Variants in AACS observed in about 807,000 individuals in gnomAD.
AACS encodes the protein acetoacetyl-CoA synthetase, also known as acetoacetate-CoA ligase.
In AACS, 69 loss-of-function variants were observed where a neutral mutation model predicts 83.1. That is an observed-to-expected ratio of 0.83 (90% CI 0.68 to 1.01). The LOEUF (loss-of-function observed/expected upper bound fraction) is 1.01, where lower values mean the gene tolerates loss of function less well. AACS is among the 50% of genes least tolerant of loss of function. AACS has a pLI of 0.00. For synonymous variants in AACS, 333 were observed against 343.4 expected (o/e 0.97, Z 0.33); for missense variants, 866 against 882.2 (o/e 0.98, Z 0.23).
chr12:125,080,386 T>A (rs1013299007), intron 3 of AACS, among the ~76,000 whole-genome samples: 3 of 152,018 alleles, frequency 2.0e-5, no homozygotes, highest in Admixed American at 6.6e-5. Context: ...ACTAAAAATA[T>A]ACTTGATTCC....
At chr12:125,071,187 G>C (rs780800987) in intron 1 of AACS, among the ~76,000 whole-genome samples, 26 of 152,180 alleles carry the variant, frequency 1.7e-4, no homozygotes, top group Non-Finnish European at 5.9e-5. Flanking sequence ...ACCTAGGACT[G>C]CGTGAGCATC....
chr12:125,102,782 A>G lies in AACS; in HGVS notation c.674A>G (p.Gln225Arg). ...CACAACCACATGGAAAAGCTGCAGC[A>G]GGTGGTTAAAGGTGTGTGGCCCTTC... ...KEHNHMEKLQ[Q>R]VVKGLPDLKK... Residue 225 changes from glutamine to arginine, a missense_variant, in exon 6 of 18, where the codon CAG (glutamine) becomes CGG (arginine). Gln to Arg is a conservative substitution (Grantham distance 43). Transcript: ENST00000316519. 1 of 1,614,112 alleles carries G rather than the reference A, an allele frequency of 6.2e-7. No homozygotes were observed. The highest frequency in any genetic ancestry group is 1.7e-4 in the Middle Eastern group (1 of 6,060).
intron 8 of AACS, among the ~76,000 whole-genome samples, chr12:125,112,076 G>A (rs372661883): frequency 1.3e-5 from 2 of 152,192 alleles, no homozygotes; most frequent in Non-Finnish European, 2.9e-5. Context: ...TTTGCCACAG[G>A]CTCCTAGAAT....
At chr12:125,072,919 GTTTTTTTTT>G (rs200182531) in intron 1 of AACS, among the ~76,000 whole-genome samples, 3 of 90,414 alleles carry the variant, frequency 3.3e-5, no homozygotes, top group African/African-American at 9.3e-5. Context: ...TGTAACTTTT[GTTTTTTTTT>G]TTTTTTTTTT....
intron 13 of AACS, chr12:125,128,815 C>G (rs1429258439): frequency 6.5e-6 from 1 of 154,242 alleles, no homozygotes; most frequent in South Asian, 2.0e-4. Context: ...GTTTGTAGCG[C>G]CCCATGATTT....
rs1957306180 is a variant in AACS, at chr12:125,129,963, C to A, written c.1549+503C>A. ...CACGTCACTCTCACATAGACTGACA[C>A]CCTTGGGTGTCGTCTTTTGAGTGGT... On this transcript the variant is annotated intron_variant, in intron 14 of 17. Coordinates refer to ENST00000316519, the MANE Select transcript of AACS (RefSeq NM_023928.5). This position sits in a 1 kb window ranked among gnomAD's most constrained non-coding sequence, Gnocchi z 4.3. 6.6e-6 allele frequency among the ~76,000 whole-genome samples: 1 copy of A among 151,944 alleles called. No individual in the cohort carries two copies. The highest frequency in any genetic ancestry group is 1.5e-5 in the Non-Finnish European group (1 of 67,958).
At chr12:125,102,643 G>A in intron 5 of AACS, 36 bp from the exon 6 acceptor site, 6 of 1,598,154 alleles carry the variant, frequency 3.8e-6, no homozygotes, top group Non-Finnish European at 5.1e-6. Flanking sequence ...TTTGCCTTTT[G>A]GATGATCAAT....
At chr12:125,093,384 C>G (rs1035095842) in intron 5 of AACS, among the ~76,000 whole-genome samples, 2 of 152,218 alleles carry the variant, frequency 1.3e-5, no homozygotes, top group African/African-American at 4.8e-5. Context: ...GGGCTGGACC[C>G]CAGCCTGTCT....
chr12:125,073,814 A>G, intron 1 of AACS, 62 bp from the exon 2 acceptor site: 2 of 1,383,298 alleles, frequency 1.4e-6, no homozygotes, highest in South Asian at 1.2e-5. Context: ...AGGTGTGTCC[A>G]TCTTATTAAT....
chr12:125,100,191 G>T (rs930754108), intron 5 of AACS, among the ~76,000 whole-genome samples: 1 of 151,932 alleles, frequency 6.6e-6, no homozygotes, highest in African/African-American at 2.4e-5. Context: ...TAATTCTTTT[G>T]TAGCTGTCCA....
intron 7 of AACS, chr12:125,105,310 C>G (rs569095532): frequency 1.3e-5 from 2 of 152,222 alleles, no homozygotes; most frequent in Admixed American, 6.5e-5. Flanking sequence ...ATTGTGCGGC[C>G]GCGGTGGGCT....
At position 125,115,550 on chromosome 12, in the gene AACS, G is replaced by A. The variant is rs554412218; in HGVS notation, c.996+993G>A. 2.8e-4 allele frequency among the ~76,000 whole-genome samples: 42 copies of A among 152,294 alleles called. No homozygotes were observed. The Middle Eastern group carries it at 0.014, about 49-fold the overall frequency. On this transcript the variant is annotated intron_variant, in intron 9 of 17. Coordinates refer to ENST00000316519, the MANE Select transcript of AACS (RefSeq NM_023928.5). ...GCTGGGATTACAGGCGTGAGCCACC[G>A]CCCCTGGCCTGCTGAGTCTTTATGC... is the stretch of plus-strand genomic sequence containing the variant.
At chr12:125,086,576 T>C (rs1592956029) in intron 4 of AACS, 133 bp downstream of exon 4, 2 of 759,268 alleles carry the variant, frequency 2.6e-6, no homozygotes, top group East Asian at 2.6e-5. Flanking sequence ...ACTTGGACTC[T>C]ACATGCAAGG....
At chr12:125,085,307 C>G (rs549815066) in intron 3 of AACS, among the ~76,000 whole-genome samples, 81 of 152,256 alleles carry the variant, frequency 5.3e-4, no homozygotes, top group African/African-American at 1.8e-3. Context: ...GCATCCACGT[C>G]TGTTTCCTGG....
chr12:125,114,765 G>A (rs1319984954), intron 9 of AACS, among the ~76,000 whole-genome samples: 20 of 146,390 alleles, frequency 1.4e-4, no homozygotes, highest in Admixed American at 3.4e-4. Flanking sequence ...CCCAGGCGCC[G>A]GCCCGTGGCA....
Position 125,091,500 on chromosome 12 carries a change from A to G in AACS, c.547A>G (p.Thr183Ala), listed in dbSNP as rs1381742812. Residue 183 changes from threonine to alanine, a missense_variant, in exon 5 of 18, where the codon ACG becomes GCG. Coordinates refer to ENST00000316519, the MANE Select transcript of AACS (RefSeq NM_023928.5). ...AAGCATTGGTGCCATCTGGAGCTCCACGTCCCCGGACTTCGGTGTGAATGT... is the reference window on the plus strand; with the variant it reads ...AAGCATTGGTGCCATCTGGAGCTCCGCGTCCCCGGACTTCGGTGTGAATGT... Reference protein sequence around the residue: ...AASIGAIWSSTSPDFGVNGVL... With the variant: ...AASIGAIWSSASPDFGVNGVL... 6.2e-7 allele frequency: 1 copy of G among 1,614,216 alleles called. No homozygotes were observed. The highest frequency in any genetic ancestry group is 8.5e-7 in the Non-Finnish European group (1 of 1,180,040).
intron 3 of AACS, among the ~76,000 whole-genome samples, chr12:125,079,149 G>A (rs185428977): frequency 7.9e-5 from 12 of 152,146 alleles, no homozygotes; most frequent in Admixed American, 5.2e-4. Flanking sequence ...CCAGAAGAAG[G>A]CCCTGGGCTG....
At position 125,076,501 on chromosome 12, in the gene AACS, C is replaced by T; in HGVS notation, c.248C>T (p.Thr83Ile). Residue 83 changes from threonine (T) to isoleucine (I), a missense_variant, in exon 3 of 18, where the codon ACA (threonine) becomes ATA (isoleucine). Coordinates refer to ENST00000316519, the MANE Select transcript of AACS (RefSeq NM_023928.5). ...TGTCATTCTCTATAGGTTGTGGACA[C>T]ATCGAAAGGAATCGCAGATGTCCCC... ...FSRVYDEVVD[T>I]SKGIADVPEW... is the part of the protein sequence containing the mutation. 2.5e-6 allele frequency: 4 copies of T among 1,614,132 alleles called. No homozygotes were observed. Among genetic ancestry groups the T allele is most frequent in the Non-Finnish European group, 3.4e-6 (4 of 1,180,004 alleles).
At chr12:125,103,231 C>G (rs893729419) in intron 7 of AACS, 150 bp downstream of exon 7, 1 of 642,410 alleles carries the variant, frequency 1.6e-6, no homozygotes, top group African/African-American at 1.8e-5. Flanking sequence ...GTAGATAAGA[C>G]ACCTGAGGCC....
Sources: allele counts gnomAD v4.1 joint callset (sites outside exome capture counted in the v4.1 genomes callset), GRCh38; gene constraint gnomAD v4.1.1; non-coding constraint Gnocchi (gnomAD v3.1); transcripts MANE v1.5; gene names NCBI Gene and HGNC (gene_info 2026-07-23, HGNC 2026-07-21).